STRN3: variants seen among roughly 807,000 people sequenced by gnomAD.
The protein encoded by STRN3 is striatin-3.
In STRN3, 29 loss-of-function variants were observed where a neutral mutation model predicts 95.6. The ratio of observed to expected loss-of-function variants is 0.30; its 90% confidence interval spans 0.23 to 0.41. STRN3 has a LOEUF of 0.41. Ranked by LOEUF, STRN3 falls within the 10% of genes least tolerant of loss-of-function variation. The pLI is 1.00. For synonymous variants in STRN3, 331 were observed against 357.6 expected, an observed-to-expected ratio of 0.93 and a Z score of 0.84; for missense variants, 890 against 972.1, an observed-to-expected ratio of 0.92 and a Z score of 1.12.
chr14:30,972,872 T>C (rs1468339539), intron 1 of STRN3, among the ~76,000 whole-genome samples: 2 of 152,172 alleles, frequency 1.3e-5, no homozygotes, highest in Admixed American at 1.3e-4. Context: ...AAAATGAACT[T>C]ACAGCAAACA....
intron 13 of STRN3, among the ~76,000 whole-genome samples, chr14:30,909,470 T>C (rs1896553670): frequency 1.3e-5 from 2 of 151,236 alleles, no homozygotes; most frequent in Admixed American, 1.3e-4. Context: ...CAAGACTGTT[T>C]CCAAAAAAGA....
chr14:30,956,038 T>G, intron 2 of STRN3, 101 bp downstream of exon 2: 1 of 943,464 alleles, frequency 1.1e-6, no homozygotes. Context: ...CGGGCAAGGA[T>G]TTGTACCTTT....
intron 5 of STRN3, among the ~76,000 whole-genome samples, chr14:30,938,577 G>A (rs1878940158): frequency 6.6e-6 from 1 of 152,024 alleles, no homozygotes; most frequent in South Asian, 2.1e-4. Flanking sequence ...ACATGTGCAT[G>A]GCTTTAAAAG....
At chr14:30,946,634 G>A (rs1480814766) in intron 5 of STRN3, among the ~76,000 whole-genome samples, 1 of 152,130 alleles carries the variant, frequency 6.6e-6, no homozygotes, top group Non-Finnish European at 1.5e-5. Context: ...ACCATGGAGT[G>A]GGGTGGGAGG....
chr14:31,005,201 A>C (rs1044377913), intron 1 of STRN3, among the ~76,000 whole-genome samples: 6 of 152,132 alleles, frequency 3.9e-5, no homozygotes, highest in Non-Finnish European at 1.5e-5. Flanking sequence ...GCATGGTGGC[A>C]CACGCCAGAA....
intron 1 of STRN3, among the ~76,000 whole-genome samples, chr14:30,983,987 T>A (rs1881535524): frequency 6.6e-6 from 1 of 152,050 alleles, no homozygotes; most frequent in Non-Finnish European, 1.5e-5. Flanking sequence ...GAGAGGCAGG[T>A]ACTAGGTTGC....
At chr14:30,961,061 C>T (rs190150927) in intron 1 of STRN3, among the ~76,000 whole-genome samples, 91 of 151,886 alleles carry the variant, frequency 6.0e-4, no homozygotes, top group African/African-American at 2.1e-3. Context: ...AAGACAAAAA[C>T]ACTAGCCATA....
rs189585888 is a variant in STRN3, at chr14:30,970,315, G to C, written c.283-14073C>G. Among the ~76,000 whole-genome samples, 610 of 152,326 alleles carry C rather than the reference G, an allele frequency of 4.0e-3. 8 individuals are homozygous for C. Among genetic ancestry groups the C allele is most frequent in the Non-Finnish European group, 5.3e-3 (361 of 68,026 alleles). On this transcript the variant is annotated intron_variant, in intron 1 of 17. Coordinates refer to ENST00000357479, the MANE Select transcript of STRN3 (RefSeq NM_001083893.2). ...CGATAAAGACCCGAGTGTCAACCAG[G>C]AGTCTGGCCCCCCGATGTAGAGCTT...
At chr14:30,949,195 C>T (rs1303222660) in intron 4 of STRN3, among the ~76,000 whole-genome samples, 1 of 152,210 alleles carries the variant, frequency 6.6e-6, no homozygotes, top group Non-Finnish European at 1.5e-5. Context: ...TGCTAGTTAT[C>T]CAGCATCCTT....
At chr14:31,013,280 G>A (rs1883054687) in intron 1 of STRN3, among the ~76,000 whole-genome samples, 2 of 151,868 alleles carry the variant, frequency 1.3e-5, no homozygotes, top group South Asian at 4.2e-4. Flanking sequence ...GGCTGAGGTG[G>A]GAGGATCAAT....
At chr14:30,945,607 A>G (rs570801806) in intron 5 of STRN3, among the ~76,000 whole-genome samples, 47 of 152,294 alleles carry the variant, frequency 3.1e-4, no homozygotes, top group African/African-American at 1.1e-3. Context: ...CCCTGTCTCA[A>G]AAATAATAAT....
Position 30,895,412 on chromosome 14 carries a change from C to T in STRN3, c.2393G>A (p.Ter798=). Residue 798 remains the stop codon, a stop_retained_variant, in exon 18 of 18, where the codon TGA becomes TAA. Coordinates refer to ENST00000357479, the MANE Select transcript of STRN3 (RefSeq NM_001083893.2). ...GTTACGATGCAAGTTTTTGTTGATT[C>T]ATACAAATACTTTGGCAAGAGCATC... The part of the protein sequence containing the change: ...GADALAKVFV[*] 2 of 1,593,142 alleles carry T rather than the reference C, an allele frequency of 1.3e-6. No individual in the cohort carries two copies. Among genetic ancestry groups the T allele is most frequent in the Admixed American group, 1.7e-5 (1 of 57,294 alleles).
chr14:30,973,557 ACACCAAT>A (rs1415500978), intron 1 of STRN3, among the ~76,000 whole-genome samples: 1 of 152,178 alleles, frequency 6.6e-6, no homozygotes, highest in Non-Finnish European at 1.5e-5. Flanking sequence ...TAAATAACTA[ACACCAAT>A]CTTTCTCAAA....
chr14:30,956,077 A>G (rs1041553665), intron 2 of STRN3, 62 bp downstream of exon 2: 27 of 1,419,388 alleles, frequency 1.9e-5, no homozygotes, highest in Non-Finnish European at 2.7e-5. Flanking sequence ...ACAGAGTACA[A>G]TGGTATACAT....
chr14:30,912,186 A>G lies in STRN3; in HGVS notation c.1375-4T>C. 6.2e-7 allele frequency: 1 copy of G among 1,610,768 alleles called. No homozygotes were observed. Among genetic ancestry groups the G allele is most frequent in the Non-Finnish European group, 8.5e-7 (1 of 1,178,978 alleles). ...AGGCATCTTTATTAGCAGGCAACTAAAAGGAAAGAGCACAATATTTAGTGG... is the reference window on the plus strand; with the variant it reads ...AGGCATCTTTATTAGCAGGCAACTAGAAGGAAAGAGCACAATATTTAGTGG... On this transcript the variant is annotated splice_region_variant and splice_polypyrimidine_tract_variant and intron_variant, in intron 10 of 17. Transcript: ENST00000357479.
At position 30,935,324 on chromosome 14, in the gene STRN3, C is replaced by G; in HGVS notation, c.847-20G>C. 6.2e-7 allele frequency: 1 copy of G among 1,605,344 alleles called. No individual in the cohort carries two copies. The highest frequency in any genetic ancestry group is 8.5e-7 in the Non-Finnish European group (1 of 1,175,388). ...ACCTATCTGTAAATAGAATATAAAC[C>G]AAGAATTACTTTTATCCTAAATGGA... On this transcript the variant is annotated intron_variant, in intron 6 of 17. Transcript: ENST00000357479.
chr14:30,929,329 T>C lies in STRN3; in HGVS notation c.989-18A>G. The stretch of plus-strand genomic sequence containing the variant: ...ATCTTTATCTACATGCAGCATATTA[T>C]TAAAAGAAAAAAAATCAGCAGTTGG... On this transcript the variant is annotated intron_variant, in intron 7 of 17. Coordinates refer to ENST00000357479, the MANE Select transcript of STRN3 (RefSeq NM_001083893.2). The C allele has an allele frequency of 6.2e-7, 1 of 1,603,470 alleles. No individual in the cohort carries two copies. The highest frequency in any genetic ancestry group is 8.5e-7 in the Non-Finnish European group (1 of 1,173,242).
In STRN3 at chr14:30,895,053, CAAAAAAAAAA is replaced by C. The variant is rs35858438; in HGVS notation, c.*348_*357del. 0.012 allele frequency: 318 copies of C among 26,586 alleles called. No individual in the cohort carries two copies. The highest frequency in any genetic ancestry group is 0.041 in the Middle Eastern group (4 of 98). 1.6% of individuals were successfully genotyped at this position (26,586 alleles called of 1,614,324 possible). A position where few individuals can be genotyped will look rare whatever the true frequency, so the allele number is the denominator to read the frequency against. On this transcript the variant is annotated 3_prime_UTR_variant, in exon 18 of 18. Transcript: ENST00000357479. ...AACCCCTAAGGCAGCACACAGAGTC[CAAAAAAAAAA>C]AAAAAAAAAAAAAAAAGAAGAAGAA...
At chr14:30,946,249 C>CA (rs1321415706) in intron 5 of STRN3, among the ~76,000 whole-genome samples, 2 of 152,100 alleles carry the variant, frequency 1.3e-5, no homozygotes, top group Non-Finnish European at 2.9e-5. Context: ...CTGTTGTTAT[C>CA]AAAACTTAAC....
Sources: gnomAD v4.1 joint callset for allele counts (sites outside exome capture counted in the v4.1 genomes callset) on GRCh38, gnomAD v4.1.1 for gene constraint, MANE v1.5 for transcripts, NCBI Gene and HGNC (gene_info 2026-07-23, HGNC 2026-07-21) for gene names.